The following MCTP1 variants were observed in gnomAD, a reference collection of about 807,000 sequenced individuals.
MCTP1 encodes the protein multiple C2 and transmembrane domain-containing protein 1.
MCTP1 carries 69 observed loss-of-function variants against 120.6 expected under a neutral mutation model. That is an observed-to-expected ratio of 0.57 (90% confidence interval 0.47 to 0.70). The LOEUF (loss-of-function observed/expected upper bound fraction) is 0.70, where lower values mean the gene tolerates loss of function less well. Among genes scored for constraint, MCTP1 ranks in the 30% least tolerant of loss-of-function variants. The pLI is 0.00. For missense variants in MCTP1, 1,203 were observed against 1,248.8 expected (o/e 0.96, Z 0.55); for synonymous variants, 529 against 493.1 (o/e 1.07, Z -0.96).
intron 1 of MCTP1, among the ~76,000 whole-genome samples, chr5:95,042,204 G>T (rs1842471034): frequency 6.6e-6 from 1 of 152,152 alleles, no homozygotes; most frequent in Non-Finnish European, 1.5e-5. Context: ...CGGTAAGGAA[G>T]TATTTATTTA....
At chr5:95,206,815 C>T (rs556970219) in intron 1 of MCTP1, among the ~76,000 whole-genome samples, 1 of 152,232 alleles carries the variant, frequency 6.6e-6, no homozygotes, top group South Asian at 2.1e-4. Context: ...GGATTAAAGG[C>T]GTGAGCCACC....
chr5:95,278,226 T>C (rs191107592), intron 1 of MCTP1, among the ~76,000 whole-genome samples: 1 of 152,224 alleles, frequency 6.6e-6, no homozygotes, highest in Non-Finnish European at 1.5e-5. Flanking sequence ...GAAGAAAAGG[T>C]TGATGGTGAA....
At chr5:95,085,976 T>C (rs1458337486) in intron 1 of MCTP1, among the ~76,000 whole-genome samples, 1 of 152,048 alleles carries the variant, frequency 6.6e-6, no homozygotes, top group Non-Finnish European at 1.5e-5. Flanking sequence ...TTGTCAATTA[T>C]GAGAGTTATA....
At chr5:94,903,701 C>T (rs531381521) in intron 10 of MCTP1, among the ~76,000 whole-genome samples, 5 of 152,250 alleles carry the variant, frequency 3.3e-5, no homozygotes, top group Admixed American at 1.3e-4. Context: ...AACAATGCAA[C>T]GAAGTCAGTA....
At chr5:95,133,298 T>C (rs1759186724) in intron 1 of MCTP1, among the ~76,000 whole-genome samples, 1 of 152,206 alleles carries the variant, frequency 6.6e-6, no homozygotes, top group Admixed American at 6.5e-5. Context: ...TTCTTTCCTA[T>C]ACAAAGATAT....
At chr5:94,851,602 T>G (rs1238222001) in intron 17 of MCTP1, among the ~76,000 whole-genome samples, 1 of 152,082 alleles carries the variant, frequency 6.6e-6, no homozygotes, top group Non-Finnish European at 1.5e-5. Flanking sequence ...AGAATACTAT[T>G]CTTCTACTTG....
At chr5:94,886,996 T>C (rs1024242369) in intron 12 of MCTP1, among the ~76,000 whole-genome samples, 10 of 152,190 alleles carry the variant, frequency 6.6e-5, no homozygotes, top group Non-Finnish European at 1.0e-4. Flanking sequence ...CCATCACAAA[T>C]GTCATAAAGA....
chr5:94,929,395 C>T (rs949211648), intron 6 of MCTP1, among the ~76,000 whole-genome samples: 4 of 152,144 alleles, frequency 2.6e-5, no homozygotes, highest in African/African-American at 9.7e-5. Flanking sequence ...AGAAAATGAT[C>T]TGTGTTTTTA....
chr5:95,086,105 C>A lies in MCTP1; in HGVS notation c.721-68621G>T, dbSNP rs1347100300. Among the ~76,000 whole-genome samples the A allele has an allele frequency of 3.3e-5, 5 of 151,768 alleles. No individual in the cohort carries two copies. The East Asian group carries it at 5.8e-4, about 18-fold the overall frequency. Reference sequence around the variant, plus strand: ...TTCTGTTATTTACCTGTAATTGAGTCAAAAATATAAAAATTAAATGTTCTT... The same window carrying A: ...TTCTGTTATTTACCTGTAATTGAGTAAAAAATATAAAAATTAAATGTTCTT... On this transcript the variant is annotated intron_variant, in intron 1 of 22. Transcript: ENST00000515393.
intron 1 of MCTP1, among the ~76,000 whole-genome samples, chr5:95,210,185 T>C (rs965176884): frequency 5.9e-5 from 9 of 152,184 alleles, no homozygotes; most frequent in African/African-American, 1.4e-4. Flanking sequence ...TAGATGTCTA[T>C]TAGGTCCACT....
chr5:95,106,893 T>C (rs1293303420), intron 1 of MCTP1, among the ~76,000 whole-genome samples: 1 of 152,158 alleles, frequency 6.6e-6, no homozygotes, highest in African/African-American at 2.4e-5. Context: ...TTAGAGAACA[T>C]AAAACTGGCA....
At chr5:94,796,888 G>A (rs1057389381) in intron 18 of MCTP1, among the ~76,000 whole-genome samples, 2 of 151,638 alleles carry the variant, frequency 1.3e-5, no homozygotes, top group Admixed American at 6.6e-5. Context: ...TGTGTGTTTT[G>A]GGCAAATAAA....
intron 1 of MCTP1, among the ~76,000 whole-genome samples, chr5:95,103,492 C>T (rs1756889658): frequency 6.6e-6 from 1 of 152,056 alleles, no homozygotes; most frequent in African/African-American, 2.4e-5. Flanking sequence ...AGCAGAGCCA[C>T]ATCATAAAGG....
At chr5:94,872,327 T>G (rs1481456156) in intron 13 of MCTP1, among the ~76,000 whole-genome samples, 1 of 152,060 alleles carries the variant, frequency 6.6e-6, no homozygotes, top group Non-Finnish European at 1.5e-5. Flanking sequence ...AGTACAAGTC[T>G]CCTGACCAGG....
chr5:94,961,860 G>T (rs1824302102), intron 2 of MCTP1, among the ~76,000 whole-genome samples: 1 of 152,156 alleles, frequency 6.6e-6, no homozygotes, highest in African/African-American at 2.4e-5. Flanking sequence ...GGTGAGACTT[G>T]TCTATTCACC....
In MCTP1 at chr5:94,851,759, T is replaced by C. The variant is rs145963777; in HGVS notation, c.2436+16574A>G. Among the ~76,000 whole-genome samples the C allele has an allele frequency of 1.2e-3, 183 of 152,108 alleles. 1 individual carries two copies. Among genetic ancestry groups the C allele is most frequent in the African/African-American group, 4.2e-3 (176 of 41,556 alleles). The stretch of plus-strand genomic sequence containing the variant: ...AAATAAATATGCGAGTTTATTCTGA[T>C]TTATAGACAACTGTACATTGTTCAG... On this transcript the variant is annotated intron_variant, in intron 17 of 22. Coordinates refer to ENST00000515393, the MANE Select transcript of MCTP1 (RefSeq NM_024717.7).
At chr5:94,920,171 CA>C (rs1811179493) in intron 7 of MCTP1, among the ~76,000 whole-genome samples, 1 of 151,906 alleles carries the variant, frequency 6.6e-6, no homozygotes, top group South Asian at 2.1e-4. Context: ...AGAAAATCAT[CA>C]CATATATTGT....
At chr5:94,940,031 G>T in intron 5 of MCTP1, 53 bp downstream of exon 5, 1 of 1,043,828 alleles carries the variant, frequency 9.6e-7, no homozygotes, top group Non-Finnish European at 1.4e-6. Flanking sequence ...CCAGAGAAAG[G>T]CTCACAACTT....
intron 1 of MCTP1, among the ~76,000 whole-genome samples, chr5:95,078,115 A>C (rs1754088552): frequency 6.6e-6 from 1 of 152,090 alleles, no homozygotes; most frequent in East Asian, 1.9e-4. Flanking sequence ...TTACCCAAGA[A>C]TTTCAAAGAT....
Sources: gnomAD v4.1 joint callset for allele counts (sites outside exome capture counted in the v4.1 genomes callset) on GRCh38, gnomAD v4.1.1 for gene constraint, MANE v1.5 for transcripts, NCBI Gene and HGNC (gene_info 2026-07-23, HGNC 2026-07-21) for gene names.